TAFA4: variants seen among roughly 807,000 people sequenced by gnomAD.
TAFA4 encodes the protein chemokine-like protein TAFA-4.
In TAFA4, 20 loss-of-function variants were observed where a neutral mutation model predicts 21.1. The ratio of observed to expected loss-of-function variants is 0.95; its 90% CI spans 0.67 to 1.38. TAFA4 has a LOEUF of 1.38. Among genes scored for constraint, TAFA4 ranks in the 40% most tolerant of loss-of-function variants. TAFA4 has a pLI of 0.00. For missense variants in TAFA4, 211 were observed against 180.9 expected, an observed-to-expected ratio of 1.17 and a Z score of -0.95; for synonymous variants, 71 against 67.4, an observed-to-expected ratio of 1.05 and a Z score of -0.26.
intron 3 of TAFA4, among the ~76,000 whole-genome samples, chr3:68,820,096 T>A (rs1369967008): frequency 6.6e-6 from 1 of 152,186 alleles, no homozygotes; most frequent in African/African-American, 2.4e-5. Context: ...TGCAATACTA[T>A]TCAGCCTTAC....
At chr3:68,914,680 A>G (rs1349503080) in intron 1 of TAFA4, among the ~76,000 whole-genome samples, 1 of 152,188 alleles carries the variant, frequency 6.6e-6, no homozygotes, top group Non-Finnish European at 1.5e-5. Flanking sequence ...TAGTAAAAAA[A>G]CCATGGAAGC....
chr3:68,736,768 T>C (rs1702248855), intron 5 of TAFA4, among the ~76,000 whole-genome samples: 1 of 152,090 alleles, frequency 6.6e-6, no homozygotes, highest in Admixed American at 6.6e-5. Flanking sequence ...GTGCATAAGA[T>C]CCATAAAAGA....
intron 3 of TAFA4, among the ~76,000 whole-genome samples, chr3:68,803,928 C>A (rs56083819): frequency 6.7e-6 from 1 of 148,232 alleles, no homozygotes; most frequent in East Asian, 2.2e-4. Flanking sequence ...CCTGGGATTA[C>A]AGGCATGTGC....
chr3:68,917,430 C>T (rs565655037), intron 1 of TAFA4, among the ~76,000 whole-genome samples: 75 of 152,206 alleles, frequency 4.9e-4, no homozygotes, highest in African/African-American at 1.7e-3. Flanking sequence ...GAGACCTCCC[C>T]CCCTGTGTGT....
intron 3 of TAFA4, among the ~76,000 whole-genome samples, chr3:68,777,144 AT>A (rs368436811): frequency 2.6e-5 from 2 of 76,348 alleles, no homozygotes; most frequent in East Asian, 6.4e-3. Flanking sequence ...AATATGAAAG[AT>A]TTTTTCTTAT....
At chr3:68,872,881 G>A (rs1156457440) in intron 3 of TAFA4, among the ~76,000 whole-genome samples, 1 of 152,112 alleles carries the variant, frequency 6.6e-6, no homozygotes, top group Non-Finnish European at 1.5e-5. Context: ...ACTTTGCAGA[G>A]AGAAGGCACA....
chr3:68,745,162 G>A (rs1267521279), intron 4 of TAFA4, among the ~76,000 whole-genome samples: 1 of 152,142 alleles, frequency 6.6e-6, no homozygotes, highest in African/African-American at 2.4e-5. Context: ...AACCCACTGA[G>A]GGCTCGACCT....
chr3:68,834,536 CATCTT>C (rs1472853371), intron 3 of TAFA4, among the ~76,000 whole-genome samples: 1 of 152,014 alleles, frequency 6.6e-6, no homozygotes. Flanking sequence ...TGATCTTTAC[CATCTT>C]ATATCTTTTT....
intron 1 of TAFA4, among the ~76,000 whole-genome samples, chr3:68,919,030 TCA>T (rs1212216009): frequency 3.3e-5 from 5 of 152,192 alleles, no homozygotes; most frequent in African/African-American, 1.2e-4. Context: ...GCCATAGGAT[TCA>T]CACTTAGTAG....
At chr3:68,748,976 T>C (rs1392655863) in intron 4 of TAFA4, among the ~76,000 whole-genome samples, 1 of 152,196 alleles carries the variant, frequency 6.6e-6, no homozygotes, top group African/African-American at 2.4e-5. Flanking sequence ...GTGTAGAATA[T>C]AGTTTCCACC....
At chr3:68,779,199 A>G (rs1703105225) in intron 3 of TAFA4, among the ~76,000 whole-genome samples, 1 of 152,198 alleles carries the variant, frequency 6.6e-6, no homozygotes. Flanking sequence ...AATTTCTAAG[A>G]AGCAAAGCAT....
chr3:68,821,688 A>G (rs2106863535), intron 3 of TAFA4, among the ~76,000 whole-genome samples: 1 of 152,052 alleles, frequency 6.6e-6, no homozygotes, highest in African/African-American at 2.4e-5. Context: ...TCAAGGCACT[A>G]CCTTGGCAAT....
At chr3:68,840,159 C>T (rs1386267583) in intron 3 of TAFA4, among the ~76,000 whole-genome samples, 1 of 152,132 alleles carries the variant, frequency 6.6e-6, no homozygotes, top group African/African-American at 2.4e-5. Context: ...TGAGCATTCC[C>T]TGGACAGAAA....
intron 3 of TAFA4, among the ~76,000 whole-genome samples, chr3:68,793,428 A>T (rs1703399854): frequency 6.6e-6 from 1 of 152,230 alleles, no homozygotes; most frequent in African/African-American, 2.4e-5. Flanking sequence ...ACTGCTTCAG[A>T]TAAGCAATCC....
chr3:68,740,336 A>T (rs1702326479), intron 4 of TAFA4, among the ~76,000 whole-genome samples: 1 of 152,186 alleles, frequency 6.6e-6, no homozygotes, highest in African/African-American at 2.4e-5. Flanking sequence ...AACTAAAAGC[A>T]CTAAAAATTT....
intron 3 of TAFA4, among the ~76,000 whole-genome samples, chr3:68,861,327 C>T (rs968840245): frequency 6.6e-6 from 1 of 151,876 alleles, no homozygotes; most frequent in African/African-American, 2.4e-5. Flanking sequence ...AACCTTCCCA[C>T]TTGTATATGA....
At chr3:68,879,216 G>T (rs1434052118) in intron 3 of TAFA4, among the ~76,000 whole-genome samples, 1 of 152,002 alleles carries the variant, frequency 6.6e-6, no homozygotes, top group Non-Finnish European at 1.5e-5. Flanking sequence ...TGCTCCCGCT[G>T]TCAGACTTCC....
chr3:68,888,120 C>T (rs888420042), intron 1 of TAFA4, among the ~76,000 whole-genome samples: 1 of 152,122 alleles, frequency 6.6e-6, no homozygotes, highest in Non-Finnish European at 1.5e-5. Flanking sequence ...GCCACATATA[C>T]TAGATCATTG....
At chr3:68,742,084 C>T (rs571506488) in intron 4 of TAFA4, among the ~76,000 whole-genome samples, 36 of 152,176 alleles carry the variant, frequency 2.4e-4, no homozygotes, top group Non-Finnish European at 3.7e-4. Flanking sequence ...AAATGTGATA[C>T]ACCACATTAA....
Sources: allele counts gnomAD v4.1 joint callset (sites outside exome capture counted in the v4.1 genomes callset), GRCh38; gene constraint gnomAD v4.1.1; transcripts MANE v1.5; gene names NCBI Gene and HGNC (gene_info 2026-07-23, HGNC 2026-07-21).